Variants in PRKN observed in about 807,000 individuals in gnomAD.
PRKN encodes the protein E3 ubiquitin-protein ligase parkin.
Under a neutral mutation model 59.5 loss-of-function variants are expected in PRKN, and 56 were observed. That is an observed-to-expected ratio of 0.94 (90% CI 0.76 to 1.18). The LOEUF (loss-of-function observed/expected upper bound fraction) is 1.18, where lower values mean the gene tolerates loss of function less well. PRKN is among the 50% of genes most tolerant of loss of function. The pLI is 0.00. For synonymous variants in PRKN, 250 were observed against 222.1 expected (o/e 1.13, Z -1.12); for missense variants, 657 against 596.4 (o/e 1.10, Z -1.06).
At chr6:161,957,675 G>A (rs138024921) in intron 6 of PRKN, among the ~76,000 whole-genome samples, 2,440 of 152,118 alleles carry the variant, frequency 0.016, 65 homozygotes, top group African/African-American at 0.055. Flanking sequence ...CACCCGCCTC[G>A]GCCTCCCAAA....
chr6:162,556,133 G>A (rs1779559166), intron 1 of PRKN, among the ~76,000 whole-genome samples: 1 of 152,106 alleles, frequency 6.6e-6, no homozygotes, highest in African/African-American at 2.4e-5. Flanking sequence ...TCCGTACTGT[G>A]TGAAGCCCCT....
At chr6:162,403,203 G>A (rs957925553) in intron 2 of PRKN, among the ~76,000 whole-genome samples, 19 of 152,020 alleles carry the variant, frequency 1.2e-4, no homozygotes, top group African/African-American at 3.9e-4. Flanking sequence ...GGCGCCTTTC[G>A]TCACTTGTAG....
At chr6:161,775,712 C>CA in intron 7 of PRKN, among the ~76,000 whole-genome samples, 1 of 151,968 alleles carries the variant, frequency 6.6e-6, no homozygotes, top group South Asian at 2.1e-4. Flanking sequence ...GTTCGAAAAC[C>CA]AAAAAATATT....
At chr6:162,391,455 G>A (rs192998092) in intron 2 of PRKN, among the ~76,000 whole-genome samples, 2 of 149,812 alleles carry the variant, frequency 1.3e-5, no homozygotes, top group East Asian at 2.0e-4. Flanking sequence ...CATGCTTGAC[G>A]TGGATTTCGA....
chr6:162,556,115 G>A (rs2128205018), intron 1 of PRKN, among the ~76,000 whole-genome samples: 1 of 152,150 alleles, frequency 6.6e-6, no homozygotes, highest in African/African-American at 2.4e-5. Context: ...GCAGAAACAG[G>A]CAATACATCC....
At chr6:161,392,792 G>C (rs1369389312) in intron 9 of PRKN, among the ~76,000 whole-genome samples, 2 of 151,510 alleles carry the variant, frequency 1.3e-5, no homozygotes, top group Admixed American at 6.6e-5. Context: ...AGATTTAATA[G>C]AGGCTAAATT....
At chr6:162,215,587 G>A (rs1777612704) in intron 3 of PRKN, among the ~76,000 whole-genome samples, 1 of 152,158 alleles carries the variant, frequency 6.6e-6, no homozygotes, top group East Asian at 1.9e-4. Flanking sequence ...ATCATGCAGG[G>A]AAGGTTACAT....
chr6:162,367,224 T>A (rs950902252), intron 2 of PRKN, among the ~76,000 whole-genome samples: 2 of 152,156 alleles, frequency 1.3e-5, no homozygotes, highest in African/African-American at 4.8e-5. Context: ...TTGCTTCCCC[T>A]TCCACCATGA....
At chr6:161,988,945 TC>T (rs199593745) in intron 5 of PRKN, among the ~76,000 whole-genome samples, 19 of 149,686 alleles carry the variant, frequency 1.3e-4, no homozygotes, top group East Asian at 7.7e-4. Context: ...ATGAGCTTTA[TC>T]TTTTTTTTAT....
intron 3 of PRKN, among the ~76,000 whole-genome samples, chr6:162,227,812 TACAGAAAACGTGCATGCCTTCTGG>T (rs1778245966): frequency 6.6e-6 from 1 of 152,010 alleles, no homozygotes; most frequent in African/African-American, 2.4e-5. Context: ...CTAGTGTCCA[TACAGAAAACGTGCATGCCTTCTGG>T]ACAGAAAACA....
rs1787459423 is a variant in PRKN, at chr6:161,410,155, T to C, written c.1084-23278A>G. 6.6e-6 allele frequency among the ~76,000 whole-genome samples: 1 copy of C among 152,070 alleles called. No individual in the cohort carries two copies. Among genetic ancestry groups the C allele is most frequent in the Non-Finnish European group, 1.5e-5 (1 of 68,024 alleles). Reference sequence around the variant, plus strand: ...CCTTGAAGAAGGGGATGGGGAAGGATTGCATAAGTTGTGGCAGGGGGCCTG... The same window carrying C: ...CCTTGAAGAAGGGGATGGGGAAGGACTGCATAAGTTGTGGCAGGGGGCCTG... On this transcript the variant is annotated intron_variant, in intron 9 of 11. Transcript: ENST00000366898. This position sits in a 1 kb window ranked among gnomAD's most constrained non-coding sequence, Gnocchi z 5.3.
chr6:162,249,093 T>G (rs1779320477), intron 3 of PRKN, among the ~76,000 whole-genome samples: 1 of 152,140 alleles, frequency 6.6e-6, no homozygotes, highest in South Asian at 2.1e-4. Context: ...TTGGCCAGGA[T>G]GGTCTCGATC....
At chr6:162,270,896 C>T (rs1233849686) in intron 2 of PRKN, among the ~76,000 whole-genome samples, 1 of 151,722 alleles carries the variant, frequency 6.6e-6, no homozygotes, top group East Asian at 1.9e-4. Flanking sequence ...GGCTGGAGTG[C>T]AGTGGCATGA....
intron 1 of PRKN, among the ~76,000 whole-genome samples, chr6:162,457,157 T>A (rs767028568): frequency 2.0e-5 from 3 of 152,160 alleles, no homozygotes; most frequent in African/African-American, 2.4e-5. Flanking sequence ...GGGCAAGGAA[T>A]AATTTTACCA....
chr6:161,880,190 T>C (rs558675459), intron 6 of PRKN, among the ~76,000 whole-genome samples: 1 of 152,230 alleles, frequency 6.6e-6, no homozygotes, highest in East Asian at 1.9e-4. Context: ...ATTTCAATAT[T>C]TTATATTTTC....
intron 7 of PRKN, among the ~76,000 whole-genome samples, chr6:161,758,018 T>C (rs1028889492): frequency 2.0e-5 from 3 of 150,076 alleles, no homozygotes; most frequent in South Asian, 2.1e-4. Flanking sequence ...CATAATTCCA[T>C]AGTGAGACAC....
intron 1 of PRKN, among the ~76,000 whole-genome samples, chr6:162,695,902 T>A (rs1201509624): frequency 1.3e-5 from 2 of 152,186 alleles, no homozygotes; most frequent in African/African-American, 4.8e-5. Context: ...AGTCCAAATA[T>A]TGGCTAACCT....
chr6:161,415,521 G>A (rs919721519), intron 9 of PRKN, among the ~76,000 whole-genome samples: 4 of 150,122 alleles, frequency 2.7e-5, no homozygotes, highest in African/African-American at 9.8e-5. Flanking sequence ...AGCCACAGAT[G>A]AGGAAACGCA....
chr6:162,507,326 A>G (rs62429609), intron 1 of PRKN, among the ~76,000 whole-genome samples: 21,034 of 152,088 alleles, frequency 0.14, 1,858 homozygotes, highest in Non-Finnish European at 0.2. Flanking sequence ...AAACCATCCA[A>G]TGGCTTCTCA....
Sources: allele counts gnomAD v4.1 joint callset (sites outside exome capture counted in the v4.1 genomes callset), GRCh38; gene constraint gnomAD v4.1.1; non-coding constraint Gnocchi (gnomAD v3.1); transcripts MANE v1.5; gene names NCBI Gene and HGNC (gene_info 2026-07-23, HGNC 2026-07-21).